The following OXR1 variants were observed in gnomAD, a reference collection of about 807,000 sequenced individuals.
OXR1 encodes oxidation resistance protein 1.
Under a neutral mutation model 104.6 loss-of-function variants are expected in OXR1, and 41 were observed. The ratio of observed to expected loss-of-function variants is 0.39; its 90% CI spans 0.31 to 0.51. OXR1 has a LOEUF of 0.51. Among genes scored for constraint, OXR1 ranks in the 20% least tolerant of loss-of-function variants. OXR1 has a pLI of 0.77. For synonymous variants in OXR1, 348 were observed against 348.4 expected (o/e 1.00, Z 0.01); for missense variants, 955 against 1,031.9 (o/e 0.93, Z 1.02).
At chr8:106,480,806 C>G (rs13257666) in intron 2 of OXR1, among the ~76,000 whole-genome samples, 65,089 of 151,756 alleles carry the variant, frequency 0.43, 16,906 homozygotes, top group Non-Finnish European at 0.57. Context: ...GCCTATCTCA[C>G]AAAAGTTTGT....
At chr8:106,342,529 A>G (rs1007014665) in intron 1 of OXR1, among the ~76,000 whole-genome samples, 4 of 152,126 alleles carry the variant, frequency 2.6e-5, no homozygotes, top group South Asian at 2.1e-4. Flanking sequence ...TGCTAGGATT[A>G]TAGGCATGAG....
intron 3 of OXR1, among the ~76,000 whole-genome samples, chr8:106,652,412 G>T (rs1429074833): frequency 1.3e-5 from 2 of 152,042 alleles, no homozygotes; most frequent in East Asian, 3.9e-4. Context: ...TGGGGGAATT[G>T]TACCAAGTAT....
chr8:106,307,979 C>G (rs549512691), intron 1 of OXR1, among the ~76,000 whole-genome samples: 1 of 151,632 alleles, frequency 6.6e-6, no homozygotes, highest in Non-Finnish European at 1.5e-5. Flanking sequence ...CACACACACA[C>G]AAAAATGGAA....
At chr8:106,470,850 G>A (rs1371242843) in intron 2 of OXR1, among the ~76,000 whole-genome samples, 1 of 151,586 alleles carries the variant, frequency 6.6e-6, no homozygotes, top group Non-Finnish European at 1.5e-5. Flanking sequence ...AAGGAAGAGG[G>A]ACTGATAAAC....
intron 7 of OXR1, chr8:106,697,968 C>G: frequency 6.2e-7 from 1 of 1,612,936 alleles, no homozygotes. Context: ...CAATCTTCTG[C>G]TGCACCTCCT....
Position 106,707,292 on chromosome 8 carries a change from A to G in OXR1, c.1624+147A>G, listed in dbSNP as rs1314636424. 4.1e-6 allele frequency: 3 copies of G among 723,242 alleles called. No homozygotes were observed. In the African/African-American group the frequency reaches 5.3e-5, roughly 13 times the overall value. The allele number at this position is 723,242 out of a possible 1,614,324, so 44.8% of individuals were successfully genotyped here. ...CCGGTGATTCTCTGGGGACAAGTAT[A>G]TACAGTCTCCAGTGTCTACTGTCTT... is the stretch of plus-strand genomic sequence containing the variant. On this transcript the variant is annotated intron_variant, in intron 9 of 16. Coordinates refer to ENST00000517566, the MANE Select transcript of OXR1 (RefSeq NM_001198533.2).
intron 2 of OXR1, among the ~76,000 whole-genome samples, chr8:106,507,939 A>T (rs1812277780): frequency 6.6e-6 from 1 of 152,132 alleles, no homozygotes; most frequent in Non-Finnish European, 1.5e-5. Context: ...TGAGGCTGTG[A>T]AAAGGAAGGA....
intron 1 of OXR1, among the ~76,000 whole-genome samples, chr8:106,279,681 G>C (rs552212932): frequency 8.8e-4 from 134 of 152,218 alleles, no homozygotes; most frequent in African/African-American, 3.1e-3. Flanking sequence ...ATGGAGTAAG[G>C]CTGAAATTTC....
intron 2 of OXR1, among the ~76,000 whole-genome samples, chr8:106,504,244 C>A (rs1812005675): frequency 6.6e-6 from 1 of 152,080 alleles, no homozygotes; most frequent in Admixed American, 6.6e-5. Flanking sequence ...TAGTCCAGAC[C>A]AGTGTTGTTT....
intron 3 of OXR1, among the ~76,000 whole-genome samples, chr8:106,560,253 A>G (rs1816581897): frequency 1.3e-5 from 2 of 152,196 alleles, no homozygotes; most frequent in South Asian, 4.1e-4. Flanking sequence ...AAGGGCACTA[A>G]CCTGGATAAT....
intron 3 of OXR1, among the ~76,000 whole-genome samples, chr8:106,659,904 T>C (rs1825582826): frequency 1.3e-5 from 2 of 152,194 alleles, no homozygotes; most frequent in South Asian, 4.1e-4. Context: ...GTATTCCTCT[T>C]CTGTTGAAGC....
intron 1 of OXR1, among the ~76,000 whole-genome samples, chr8:106,356,620 G>A (rs1250809009): frequency 6.6e-6 from 1 of 151,800 alleles, no homozygotes; most frequent in Non-Finnish European, 1.5e-5. Context: ...TTTCAAAAAG[G>A]ACTTAGGGGG....
chr8:106,689,981 A>G (rs186980814), intron 6 of OXR1, among the ~76,000 whole-genome samples: 14 of 151,630 alleles, frequency 9.2e-5, no homozygotes, highest in Admixed American at 7.2e-4. Flanking sequence ...CACAAACATA[A>G]CCTCTCTTTT....
chr8:106,364,108 G>A (rs1168014935), intron 2 of OXR1, among the ~76,000 whole-genome samples: 1 of 152,056 alleles, frequency 6.6e-6, no homozygotes, highest in East Asian at 1.9e-4. Context: ...CTACAGATTG[G>A]AAAAATAACA....
At chr8:106,518,813 A>G (rs1391466238) in intron 2 of OXR1, 130 bp from the exon 3 acceptor site, 11 of 545,156 alleles carry the variant, frequency 2.0e-5, no homozygotes, top group African/African-American at 3.8e-5. Flanking sequence ...GGGAATGTCT[A>G]TCATTTCTGA....
At chr8:106,316,746 A>G (rs1380737504) in intron 1 of OXR1, among the ~76,000 whole-genome samples, 8 of 151,538 alleles carry the variant, frequency 5.3e-5, no homozygotes, top group African/African-American at 1.9e-4. Flanking sequence ...CTATCTATCT[A>G]TCTATCTATC....
At chr8:106,440,162 CT>C (rs1386404297) in intron 2 of OXR1, among the ~76,000 whole-genome samples, 2 of 152,072 alleles carry the variant, frequency 1.3e-5, no homozygotes, top group East Asian at 3.9e-4. Context: ...GTTTTAGAAA[CT>C]CTAGGATGTT....
intron 3 of OXR1, among the ~76,000 whole-genome samples, chr8:106,570,617 T>G (rs995002774): frequency 2.0e-5 from 3 of 152,208 alleles, no homozygotes; most frequent in African/African-American, 7.2e-5. Context: ...AGAAGAACCC[T>G]TTTCCATCCT....
chr8:106,702,308 G>A (rs985132339), intron 7 of OXR1, among the ~76,000 whole-genome samples: 4 of 152,042 alleles, frequency 2.6e-5, no homozygotes, highest in Non-Finnish European at 5.9e-5. Flanking sequence ...GCTTTTCATG[G>A]TGAGTTAAAA....
Sources: allele counts gnomAD v4.1 joint callset (sites outside exome capture counted in the v4.1 genomes callset), GRCh38; gene constraint gnomAD v4.1.1; transcripts MANE v1.5; gene names NCBI Gene and HGNC (gene_info 2026-07-23, HGNC 2026-07-21).